The following ANO2 variants were observed in gnomAD, a reference collection of about 807,000 sequenced individuals.
ANO2 encodes the protein anoctamin-2.
ANO2 carries 101 observed loss-of-function variants against 124.2 expected under a neutral mutation model. That is an observed-to-expected ratio of 0.81 (90% confidence interval 0.69 to 0.96). The LOEUF is 0.96. ANO2 is among the 40% of genes least tolerant of loss of function. The probability of loss-of-function intolerance (pLI) is 0.00; values close to 1 mark genes in which losing one functional copy is unlikely to be tolerated. For missense variants in ANO2, 1,293 were observed against 1,274.5 expected, an observed-to-expected ratio of 1.01 and a Z score of -0.22; for synonymous variants, 486 against 482.5, an observed-to-expected ratio of 1.01 and a Z score of -0.09.
intron 2 of ANO2, among the ~76,000 whole-genome samples, chr12:5,922,189 C>T (rs1313696848): frequency 1.3e-5 from 2 of 152,162 alleles, no homozygotes; most frequent in Non-Finnish European, 2.9e-5. Context: ...GGGGAGGGAC[C>T]GGCCTCTCCC....
At chr12:5,811,557 A>G (rs1468717396) in intron 7 of ANO2, among the ~76,000 whole-genome samples, 3 of 152,346 alleles carry the variant, frequency 2.0e-5, no homozygotes, top group African/African-American at 7.2e-5. Context: ...ACGAAAATAT[A>G]GTTCCATCAA....
At chr12:5,694,272 A>AGAGAGAGC in intron 14 of ANO2, among the ~76,000 whole-genome samples, 1 of 151,676 alleles carries the variant, frequency 6.6e-6, no homozygotes, top group South Asian at 2.1e-4. Flanking sequence ...AGAGAGAGAG[A>AGAGAGAGC]GAGAGAGAGA....
At chr12:5,704,384 C>T (rs1022763738) in intron 14 of ANO2, among the ~76,000 whole-genome samples, 7 of 152,258 alleles carry the variant, frequency 4.6e-5, no homozygotes, top group Middle Eastern at 6.8e-3. Flanking sequence ...GAGAGCAACT[C>T]GTTCTTTACT....
At chr12:5,868,829 G>A (rs917201500) in intron 3 of ANO2, among the ~76,000 whole-genome samples, 4 of 152,200 alleles carry the variant, frequency 2.6e-5, no homozygotes, top group African/African-American at 4.8e-5. Flanking sequence ...AATTAAATCT[G>A]CAGATGATAA....
At chr12:5,889,061 G>C (rs976807694) in intron 3 of ANO2, among the ~76,000 whole-genome samples, 1 of 152,238 alleles carries the variant, frequency 6.6e-6, no homozygotes, top group Non-Finnish European at 1.5e-5. Context: ...AAGGCCCCAC[G>C]AGAAGTCGAG....
intron 3 of ANO2, among the ~76,000 whole-genome samples, chr12:5,884,702 T>C (rs1393754001): frequency 1.3e-5 from 2 of 152,180 alleles, no homozygotes; most frequent in African/African-American, 4.8e-5. Flanking sequence ...GATCCTTTTG[T>C]TCAACTCATG....
chr12:5,911,490 C>G (rs1286400046), intron 3 of ANO2, among the ~76,000 whole-genome samples: 3 of 152,228 alleles, frequency 2.0e-5, no homozygotes, highest in Non-Finnish European at 2.9e-5. Context: ...TAGAAACCAA[C>G]TGTCCCCCGA....
In ANO2 at chr12:5,615,224, G is replaced by C; in HGVS notation, c.1890C>G (p.Ala630=). 6.2e-7 allele frequency: 1 copy of C among 1,613,746 alleles called. No homozygotes were observed. Residue 630 remains alanine, a synonymous_variant, in exon 17 of 25, where the codon GCC becomes GCG. Transcript: ENST00000682330. ...AGGCCACATAGAAGATGGGGGAGTA[G>C]GCATTGACAAACTTGAGCAAGAAAG... The part of the protein sequence containing the change: ...LKAFLLKFVN[A]YSPIFYVAFF...
intron 7 of ANO2, among the ~76,000 whole-genome samples, chr12:5,825,189 T>G (rs1178682475): frequency 1.3e-5 from 2 of 152,198 alleles, no homozygotes; most frequent in Non-Finnish European, 2.9e-5. Flanking sequence ...AGTGGACTCA[T>G]GCTCATGGAA....
At chr12:5,581,148 A>G (rs1942732472) in intron 20 of ANO2, among the ~76,000 whole-genome samples, 1 of 152,228 alleles carries the variant, frequency 6.6e-6, no homozygotes. Context: ...CAGATGTTAG[A>G]CTAGCATTCT....
chr12:5,873,065 C>T (rs1218166345), intron 3 of ANO2, among the ~76,000 whole-genome samples: 1 of 152,186 alleles, frequency 6.6e-6, no homozygotes, highest in African/African-American at 2.4e-5. Context: ...GCACTCCATC[C>T]TTATTTGCAA....
In ANO2 at chr12:5,873,355, A is replaced by C. The variant is rs1035725140; in HGVS notation, c.535-19214T>G. ...TGTCACTAGGCCGGCGAAGCCACTG[A>C]CTCAGGACAACCCATGGGTTGCTGT... On this transcript the variant is annotated intron_variant, in intron 3 of 24. Transcript: ENST00000682330. 1.5e-4 allele frequency among the ~76,000 whole-genome samples: 23 copies of C among 152,000 alleles called. 1 individual carries two copies. The highest frequency in any genetic ancestry group is 4.6e-4 in the African/African-American group (19 of 41,354).
At position 5,838,074 on chromosome 12, in the gene ANO2, T is replaced by C. The variant is rs1028271061; in HGVS notation, c.634-5471A>G. On this transcript the variant is annotated intron_variant, in intron 4 of 24. Transcript: ENST00000682330. ...GAAGTTGATGCAGATTTCTAACCCA[T>C]CAATTGTTTCAGGGTCTGGCTCTGG... Among the ~76,000 whole-genome samples, 6 of 152,146 alleles carry C rather than the reference T, an allele frequency of 3.9e-5. No individual in the cohort carries two copies. The East Asian group carries it at 1.2e-3, about 29-fold the overall frequency.
In ANO2 at chr12:5,685,742, A is replaced by T. The variant is rs569706553; in HGVS notation, c.1546-37941T>A. Among the ~76,000 whole-genome samples the T allele has an allele frequency of 3.3e-5, 5 of 152,268 alleles. No homozygotes were observed. In the East Asian group the frequency reaches 9.7e-4, roughly 29 times the overall value. ...CAATGAGCTGTGATCATGCCACTGC[A>T]CTCCAGCCTGGGCAACAAAGTGAGA... On this transcript the variant is annotated intron_variant, in intron 14 of 24. Coordinates refer to ENST00000682330, the MANE Select transcript of ANO2 (RefSeq NM_001364791.2).
At chr12:5,575,798 G>A in intron 23 of ANO2, 36 bp downstream of exon 23, 2 of 1,599,330 alleles carry the variant, frequency 1.3e-6, no homozygotes, top group East Asian at 2.2e-5. Flanking sequence ...TATTGCTTCT[G>A]GTCCTCTGCT....
intron 12 of ANO2, among the ~76,000 whole-genome samples, chr12:5,743,273 G>A (rs1342281542): frequency 6.6e-6 from 1 of 152,142 alleles, no homozygotes; most frequent in Admixed American, 6.5e-5. Context: ...CAGCAGGACT[G>A]TGGTCCTGCT....
At chr12:5,923,237 CACACACGCAT>C (rs1941901670) in intron 1 of ANO2, among the ~76,000 whole-genome samples, 1 of 147,452 alleles carries the variant, frequency 6.8e-6, no homozygotes, top group African/African-American at 2.6e-5. Flanking sequence ...TGCACACATA[CACACACGCAT>C]ACACACACAT....
chr12:5,913,125 C>A (rs1303949948), intron 3 of ANO2, among the ~76,000 whole-genome samples: 3 of 152,172 alleles, frequency 2.0e-5, no homozygotes, highest in African/African-American at 7.2e-5. Flanking sequence ...GAGCAACGGG[C>A]AGGAAGGCCT....
At chr12:5,746,319 G>A (rs1285445689) in intron 11 of ANO2, among the ~76,000 whole-genome samples, 1 of 152,184 alleles carries the variant, frequency 6.6e-6, no homozygotes, top group Non-Finnish European at 1.5e-5. Flanking sequence ...CAGCCACCAT[G>A]GTATGGATTC....
Sources: gnomAD v4.1 joint callset for allele counts (sites outside exome capture counted in the v4.1 genomes callset) on GRCh38, gnomAD v4.1.1 for gene constraint, MANE v1.5 for transcripts, NCBI Gene and HGNC (gene_info 2026-07-23, HGNC 2026-07-21) for gene names.